RFX2: variants seen among roughly 807,000 people sequenced by gnomAD.
RFX2 encodes regulatory factor X2.
Under a neutral mutation model 87.8 loss-of-function variants are expected in RFX2, and 20 were observed. The observed-to-expected ratio is 0.23, with a 90% confidence interval of 0.16 to 0.33. RFX2 has a LOEUF of 0.33. RFX2 is among the 10% of genes least tolerant of loss of function. The probability of loss-of-function intolerance (pLI) is 1.00; values close to 1 mark genes in which losing one functional copy is unlikely to be tolerated. For synonymous variants in RFX2, 397 were observed against 431.3 expected (o/e 0.92, Z 0.98); for missense variants, 767 against 1,012.3 (o/e 0.76, Z 3.29).
At chr19:6,019,631 C>T (rs572001472) in intron 6 of RFX2, among the ~76,000 whole-genome samples, 4 of 149,710 alleles carry the variant, frequency 2.7e-5, no homozygotes, top group East Asian at 3.9e-4. Flanking sequence ...CATCCTGTCA[C>T]CACCCCAGGC....
chr19:6,048,755 T>TA (rs1166059009), intron 1 of RFX2, among the ~76,000 whole-genome samples: 1 of 152,208 alleles, frequency 6.6e-6, no homozygotes, highest in Non-Finnish European at 1.5e-5. Flanking sequence ...AAGTCAAACT[T>TA]ACAATAAATT....
At chr19:6,109,814 A>G (rs1162886936) in intron 1 of RFX2, among the ~76,000 whole-genome samples, 1 of 149,804 alleles carries the variant, frequency 6.7e-6, no homozygotes, top group Non-Finnish European at 1.5e-5. Context: ...AGGGTCCCCA[A>G]GCGCCCCCAA....
chr19:6,037,435 A>G (rs576941462), intron 5 of RFX2, among the ~76,000 whole-genome samples: 1 of 152,356 alleles, frequency 6.6e-6, no homozygotes, highest in Non-Finnish European at 1.5e-5. Flanking sequence ...TGCCATTTAC[A>G]ATAGCTCTCC....
intron 1 of RFX2, among the ~76,000 whole-genome samples, chr19:6,080,202 ATGTGTGTGTGTGTGTGTG>A (rs368062995): frequency 2.9e-5 from 4 of 138,412 alleles, no homozygotes; most frequent in African/African-American, 1.1e-4. Flanking sequence ...TGCCTGGTTA[ATGTGTGTGTGTGTGTGTG>A]TGTGTGTGTG....
intron 12 of RFX2, among the ~76,000 whole-genome samples, chr19:6,005,959 T>C (rs2086574058): frequency 6.6e-6 from 1 of 152,194 alleles, no homozygotes; most frequent in Non-Finnish European, 1.5e-5. Flanking sequence ...GCTCCAGGGC[T>C]GCACACAGGC....
At position 6,016,105 on chromosome 19, in the gene RFX2, C is replaced by T. The variant is rs1178808847; in HGVS notation, c.764G>A (p.Arg255Gln). The change falls in exon 7 of 18, where the codon CGG (arginine) becomes CAG (glutamine). Residue 255 changes from arginine to glutamine, a missense_variant. By Grantham distance (43) the Arg-to-Gln change is conservative (BLOSUM62 1). Transcript: ENST00000303657. This position sits in a 1 kb window ranked among gnomAD's most constrained non-coding sequence, Gnocchi z 5.4. Reference protein sequence around the residue: ...IRSVFMGLRTRRLGTRGNSKY... With the variant: ...IRSVFMGLRTQRLGTRGNSKY... ...GTCTACCCACCTGGTGCCCAGCCGC[C>T]GCGTTCTCAGCCCCATAAACACAGA... 1.2e-6 allele frequency: 2 copies of T among 1,605,338 alleles called. No homozygotes were observed. The highest frequency in any genetic ancestry group is 1.3e-5 in the African/African-American group (1 of 74,686).
chr19:6,041,871 T>C (rs962061359), intron 4 of RFX2, among the ~76,000 whole-genome samples, 173 bp downstream of exon 4: 14 of 152,182 alleles, frequency 9.2e-5, no homozygotes, highest in African/African-American at 3.4e-4. Context: ...GTCTGGCTAA[T>C]TTTAAAATTT....
At chr19:6,100,091 G>A (rs2088095111) in intron 1 of RFX2, among the ~76,000 whole-genome samples, 1 of 152,176 alleles carries the variant, frequency 6.6e-6, no homozygotes, top group Non-Finnish European at 1.5e-5. Context: ...AGTTTCCATG[G>A]CAAGAGGGGA....
Position 6,061,615 on chromosome 19 carries a change from G to A in RFX2, c.-8-14111C>T, listed in dbSNP as rs1455861688. Among the ~76,000 whole-genome samples, 2 of 152,236 alleles carry A rather than the reference G, an allele frequency of 1.3e-5. No individual in the cohort carries two copies. Among genetic ancestry groups the A allele is most frequent in the Non-Finnish European group, 2.9e-5 (2 of 68,042 alleles). On this transcript the variant is annotated intron_variant, in intron 1 of 17. Transcript: ENST00000303657. This position sits in a 1 kb window ranked among gnomAD's most constrained non-coding sequence, Gnocchi z 5.2. Reference sequence around the variant, plus strand: ...GCCTCTGGATCTTACTGGGGAGTCGGCTGCAGCCGGGGGAAAAAGACTTTG... The same window carrying A: ...GCCTCTGGATCTTACTGGGGAGTCGACTGCAGCCGGGGGAAAAAGACTTTG...
chr19:6,103,097 G>A (rs1182110093), intron 1 of RFX2, among the ~76,000 whole-genome samples: 1 of 152,156 alleles, frequency 6.6e-6, no homozygotes, highest in Non-Finnish European at 1.5e-5. Flanking sequence ...GCTTCATTAT[G>A]TAATAAATGA....
rs75000763 is a variant in RFX2, at chr19:6,050,595, A to G, written c.-8-3091T>C. Among the ~76,000 whole-genome samples, 34 of 152,320 alleles carry G rather than the reference A, an allele frequency of 2.2e-4. No homozygotes were observed. In the East Asian group the frequency reaches 6.4e-3, roughly 28 times the overall value. ...AACTGGATGCACTCAACAGCTGGTT[A>G]AAGATAATGGAAAGAGTTAGTGAAC... On this transcript the variant is annotated intron_variant, in intron 1 of 17. Transcript: ENST00000303657. This position sits in a 1 kb window ranked among gnomAD's most constrained non-coding sequence, Gnocchi z 4.6.
rs1024533411 is a variant in RFX2 at position 6,024,831 on chromosome 19, C to T, written c.597+1332G>A. On this transcript the variant is annotated intron_variant, in intron 6 of 17. Transcript: ENST00000303657. This position sits in a 1 kb window ranked among gnomAD's most constrained non-coding sequence, Gnocchi z 5.0. ...GAGGACGGGAGTGAGGACGGGATCA[C>T]GGTGAGGACGGGAGTGAGGACGGGA... 2.5e-5 allele frequency among the ~76,000 whole-genome samples: 3 copies of T among 120,606 alleles called. No individual in the cohort carries two copies. Among genetic ancestry groups the T allele is most frequent in the Non-Finnish European group, 5.1e-5 (3 of 59,198 alleles). The allele number at this position is 120,606 out of a possible 152,430, so 79.1% of individuals were successfully genotyped here.
chr19:6,020,650 T>A lies in RFX2; in HGVS notation c.598-4379A>T, dbSNP rs1599858952. ...AGTTCCGTGAAACCGACCACGAGGGTCCAGCCGCTCCAACCACACTCGCCC... is the reference window on the plus strand; with the variant it reads ...AGTTCCGTGAAACCGACCACGAGGGACCAGCCGCTCCAACCACACTCGCCC... On this transcript the variant is annotated intron_variant, in intron 6 of 17. Transcript: ENST00000303657. This position sits in a 1 kb window ranked among gnomAD's most constrained non-coding sequence, Gnocchi z 5.3. 6.6e-6 allele frequency among the ~76,000 whole-genome samples: 1 copy of A among 151,440 alleles called. No individual in the cohort carries two copies. Among genetic ancestry groups the A allele is most frequent in the Non-Finnish European group, 1.5e-5 (1 of 67,912 alleles).
At chr19:6,035,516 T>C (rs973964618) in intron 5 of RFX2, among the ~76,000 whole-genome samples, 5 of 152,148 alleles carry the variant, frequency 3.3e-5, no homozygotes, top group Admixed American at 6.5e-5. Context: ...CTCGAGAAAA[T>C]TGGTCACCAA....
Position 6,047,543 on chromosome 19 carries a change from G to T in RFX2, c.-8-39C>A, listed in dbSNP as rs1424276608. On this transcript the variant is annotated intron_variant, in intron 1 of 17. Transcript: ENST00000303657. This position sits in a 1 kb window ranked among gnomAD's most constrained non-coding sequence, Gnocchi z 4.2. Reference sequence around the variant, plus strand: ...GAGAGAGATTGGGTGGGCAAGGGCTGCAAGCACTGAAATCCGAAGAGGCAA... The same window carrying T: ...GAGAGAGATTGGGTGGGCAAGGGCTTCAAGCACTGAAATCCGAAGAGGCAA... The T allele has an allele frequency of 6.6e-7, 1 of 1,508,474 alleles. No individual in the cohort carries two copies. The highest frequency in any genetic ancestry group is 9.1e-7 in the Non-Finnish European group (1 of 1,101,056). The allele number at this position is 1,508,474 out of a possible 1,614,324, so 93.4% of individuals were successfully genotyped here.
chr19:5,996,740 G>A (rs941119715), intron 16 of RFX2, among the ~76,000 whole-genome samples: 9 of 152,238 alleles, frequency 5.9e-5, no homozygotes. Context: ...TGGTGTGTCC[G>A]AGGCCTCCCC....
chr19:5,996,504 G>A (rs1454210180), intron 16 of RFX2, among the ~76,000 whole-genome samples: 1 of 152,228 alleles, frequency 6.6e-6, no homozygotes, highest in Non-Finnish European at 1.5e-5. Context: ...AGGACAGGCC[G>A]ATCCACAGAG....
At position 6,039,904 on chromosome 19, in the gene RFX2, T is replaced by A; in HGVS notation, c.522+76A>T. 1 of 1,445,090 alleles carries A rather than the reference T, an allele frequency of 6.9e-7. No individual in the cohort carries two copies. Among genetic ancestry groups the A allele is most frequent in the South Asian group, 1.4e-5 (1 of 69,756 alleles). The allele number at this position is 1,445,090 out of a possible 1,614,324, so 89.5% of individuals were successfully genotyped here. On this transcript the variant is annotated intron_variant, in intron 5 of 17. Coordinates refer to ENST00000303657, the MANE Select transcript of RFX2 (RefSeq NM_000635.4). The surrounding 1 kb of genome is among the most constrained non-coding windows in gnomAD (Gnocchi z 5.2). ...CCCCTCCGGGCCTCCGGCTGCCTCT[T>A]ACTCACCATCCCTGCTGCCGCTGCT...
rs567796981 is a variant in RFX2 at position 6,003,575 on chromosome 19, G to A, written c.1500+626C>T. Among the ~76,000 whole-genome samples the A allele has an allele frequency of 2.5e-3, 380 of 151,990 alleles. 1 individual carries two copies. The highest frequency in any genetic ancestry group is 3.7e-3 in the African/African-American group (155 of 41,486). The stretch of plus-strand genomic sequence containing the variant: ...GTGGATCGCCTGAGGTCAGGAGTTC[G>A]AGACCAGCCTGGCCAACATGGCGAA... On this transcript the variant is annotated intron_variant, in intron 13 of 17. Transcript: ENST00000303657.
Sources: allele counts gnomAD v4.1 joint callset (sites outside exome capture counted in the v4.1 genomes callset), GRCh38; gene constraint gnomAD v4.1.1; non-coding constraint Gnocchi (gnomAD v3.1); transcripts MANE v1.5; gene names NCBI Gene and HGNC (gene_info 2026-07-23, HGNC 2026-07-21).